Variants in TNRC6C observed in about 807,000 individuals in gnomAD.
TNRC6C encodes trinucleotide repeat-containing gene 6C protein.
Under a neutral mutation model 153.7 loss-of-function variants are expected in TNRC6C, and 20 were observed. The observed-to-expected ratio is 0.13, with a 90% CI of 0.09 to 0.19. The LOEUF is 0.19. Among genes scored for constraint, TNRC6C ranks in the 10% least tolerant of loss-of-function variants. The pLI, the probability that TNRC6C is intolerant of heterozygous loss-of-function variation, is 1.00. For missense variants in TNRC6C, 1,987 were observed against 2,172.0 expected, an observed-to-expected ratio of 0.91 and a Z score of 1.69; for synonymous variants, 811 against 841.4, an observed-to-expected ratio of 0.96 and a Z score of 0.63.
chr17:78,074,793 G>A lies in TNRC6C; in HGVS notation c.2918-343G>A, dbSNP rs2144335999. Among the ~76,000 whole-genome samples the A allele has an allele frequency of 2.0e-5, 3 of 152,340 alleles. No individual in the cohort carries two copies. The South Asian group carries it at 6.2e-4, about 32-fold the overall frequency. Reference sequence around the variant, plus strand: ...GAAGCAAGTCTTGCAGAAAACTAGGGGAGGGGGTGCATCCCAGGGGAGAGG... The same window carrying A: ...GAAGCAAGTCTTGCAGAAAACTAGGAGAGGGGGTGCATCCCAGGGGAGAGG... On this transcript the variant is annotated intron_variant, in intron 7 of 19. Transcript: ENST00000301624.
chr17:77,997,051 A>G (rs1310020940), intron 1 of TNRC6C, among the ~76,000 whole-genome samples: 1 of 152,206 alleles, frequency 6.6e-6, no homozygotes, highest in East Asian at 1.9e-4. Flanking sequence ...TTGGTGAAGC[A>G]AGGAGGTGGA....
At chr17:77,983,150 G>A (rs2071105510) in intron 1 of TNRC6C, among the ~76,000 whole-genome samples, 1 of 152,180 alleles carries the variant, frequency 6.6e-6, no homozygotes, top group Non-Finnish European at 1.5e-5. Context: ...AACCCTGAAA[G>A]CAGTCTCTTA....
rs901479636 is a variant in TNRC6C, at chr17:78,088,652, T to C, written c.3802+1559T>C. Among the ~76,000 whole-genome samples the C allele has an allele frequency of 2.7e-5, 4 of 150,228 alleles. No individual in the cohort carries two copies. The South Asian group carries it at 8.5e-4, about 32-fold the overall frequency. On this transcript the variant is annotated intron_variant, in intron 13 of 19. Coordinates refer to ENST00000301624, the Ensembl canonical transcript of TNRC6C. ...TCTCTCTTTTTTTTTTTGGCTGGAG[T>C]GCAGTGGCGTGATCATAGCTCATTG...
chr17:78,082,027 AT>A (rs2073189853), intron 10 of TNRC6C, among the ~76,000 whole-genome samples: 1 of 151,026 alleles, frequency 6.6e-6, no homozygotes, highest in African/African-American at 2.4e-5. Flanking sequence ...ATGTCCATAC[AT>A]TTTTTAATGG....
chr17:77,971,248 C>T (rs911355561), intron 1 of TNRC6C, among the ~76,000 whole-genome samples: 1 of 152,142 alleles, frequency 6.6e-6, no homozygotes. Context: ...TATTTCACAC[C>T]TTGGGTGATA....
At chr17:78,027,903 G>GTTT (rs550690147) in intron 1 of TNRC6C, among the ~76,000 whole-genome samples, 5 of 136,550 alleles carry the variant, frequency 3.7e-5, no homozygotes, top group Non-Finnish European at 6.3e-5. Context: ...AAACTTGGAG[G>GTTT]TTTTTTTTTT....
intron 11 of TNRC6C, among the ~76,000 whole-genome samples, chr17:78,085,098 G>C (rs1301009182): frequency 3.9e-5 from 6 of 152,164 alleles, no homozygotes; most frequent in Non-Finnish European, 7.3e-5. Flanking sequence ...CATAGAAAAA[G>C]CATGCAGGTT....
chr17:78,059,583 C>T (rs1474829976), intron 3 of TNRC6C, among the ~76,000 whole-genome samples: 1 of 152,214 alleles, frequency 6.6e-6, no homozygotes, highest in African/African-American at 2.4e-5. Context: ...CACAGTGGCT[C>T]ACGCCTGTAA....
chr17:78,104,889 C>A lies in TNRC6C; in HGVS notation c.*44C>A, dbSNP rs753791864. 24 of 1,381,820 alleles carry A rather than the reference C, an allele frequency of 1.7e-5. No individual in the cohort carries two copies. Among genetic ancestry groups the A allele is most frequent in the Non-Finnish European group, 2.2e-5 (24 of 1,072,330 alleles). 85.6% of individuals were successfully genotyped at this position (1,381,820 alleles called of 1,614,324 possible). A position where few individuals can be genotyped will look rare whatever the true frequency, so the allele number is the denominator to read the frequency against. ...CCAGGAGAGCCGACCCCTCCCGGGACCCCTCCCGGCTGGGCGGCCCCACAG... is the reference window on the plus strand; with the variant it reads ...CCAGGAGAGCCGACCCCTCCCGGGAACCCTCCCGGCTGGGCGGCCCCACAG... On this transcript the variant is annotated 3_prime_UTR_variant, in exon 20 of 20. Transcript: ENST00000301624. The surrounding 1 kb of genome is among the most constrained non-coding windows in gnomAD (Gnocchi z 6.2).
At chr17:77,960,455 T>C (rs956206240) in intron 1 of TNRC6C, among the ~76,000 whole-genome samples, 3 of 152,220 alleles carry the variant, frequency 2.0e-5, no homozygotes, top group African/African-American at 7.2e-5. Flanking sequence ...TGAGCCTGCA[T>C]AAGGCCTACT....
chr17:78,011,055 C>T (rs1308639797), intron 1 of TNRC6C, among the ~76,000 whole-genome samples: 1 of 152,188 alleles, frequency 6.6e-6, no homozygotes, highest in Non-Finnish European at 1.5e-5. Context: ...TTCACTAAAA[C>T]TTTAAACATA....
At chr17:78,061,391 A>G (rs2072764935) in intron 3 of TNRC6C, among the ~76,000 whole-genome samples, 1 of 152,216 alleles carries the variant, frequency 6.6e-6, no homozygotes, top group Non-Finnish European at 1.5e-5. Context: ...CTTGTTTTGC[A>G]TCAAAATTTT....
intron 3 of TNRC6C, among the ~76,000 whole-genome samples, chr17:78,059,421 G>A (rs1364678358): frequency 2.6e-5 from 4 of 152,226 alleles, no homozygotes; most frequent in Non-Finnish European, 5.9e-5. Flanking sequence ...GGGGAGTTGG[G>A]AGCCTGCTAC....
chr17:78,100,461 A>T lies in TNRC6C; in HGVS notation c.4501+1924A>T, dbSNP rs1167238239. ...ACGTGGAAGCTGCCAAGGCTTGGAG[A>T]TTGCTCCCTCTGAAGCCATGGCCCA... On this transcript the variant is annotated intron_variant, in intron 17 of 19. Transcript: ENST00000301624. 3.3e-5 allele frequency among the ~76,000 whole-genome samples: 5 copies of T among 152,094 alleles called. 1 individual carries two copies. The South Asian group carries it at 1.0e-3, about 32-fold the overall frequency.
chr17:77,969,371 T>C (rs2070923378), intron 1 of TNRC6C, among the ~76,000 whole-genome samples: 1 of 152,056 alleles, frequency 6.6e-6, no homozygotes, highest in South Asian at 2.1e-4. Flanking sequence ...TGCCTCAGCC[T>C]CCCAAGTATC....
intron 2 of TNRC6C, among the ~76,000 whole-genome samples, chr17:78,032,182 A>G (rs1480575286): frequency 6.6e-6 from 1 of 152,172 alleles, no homozygotes; most frequent in African/African-American, 2.4e-5. Flanking sequence ...CTTTTCTCTC[A>G]ATTTCCTAGT....
chr17:78,012,553 G>C lies in TNRC6C; in HGVS notation c.-546+7474G>C, dbSNP rs117481081. On this transcript the variant is annotated intron_variant, in intron 1 of 19. Transcript: ENST00000301624. Reference sequence around the variant, plus strand: ...AGAGATATTTTAGTGGGAAGAGCCAGGCAGATAAGCAAATATATGTATATG... The same window carrying C: ...AGAGATATTTTAGTGGGAAGAGCCACGCAGATAAGCAAATATATGTATATG... Among the ~76,000 whole-genome samples the C allele has an allele frequency of 1.0e-2, 1,522 of 152,318 alleles. 12 individuals are homozygous for C. The highest frequency in any genetic ancestry group is 0.015 in the Non-Finnish European group (1,027 of 68,028).
At chr17:78,082,633 A>G (rs2073202308) in intron 10 of TNRC6C, among the ~76,000 whole-genome samples, 1 of 152,210 alleles carries the variant, frequency 6.6e-6, no homozygotes, top group Admixed American at 6.5e-5. Context: ...GGGCGTTTGT[A>G]ACCCTATCTT....
chr17:77,975,533 T>G (rs950885849), intron 1 of TNRC6C, among the ~76,000 whole-genome samples: 20 of 152,200 alleles, frequency 1.3e-4, no homozygotes, highest in Non-Finnish European at 2.6e-4. Flanking sequence ...CAGCTACACA[T>G]AGCAGTTTTA....
Sources: allele counts gnomAD v4.1 joint callset (sites outside exome capture counted in the v4.1 genomes callset), GRCh38; gene constraint gnomAD v4.1.1; non-coding constraint Gnocchi (gnomAD v3.1); transcripts MANE v1.5; gene names NCBI Gene and HGNC (gene_info 2026-07-23, HGNC 2026-07-21).